AHCTF1: variants seen among roughly 807,000 people sequenced by gnomAD.
AHCTF1 encodes protein ELYS.
A neutral mutation model predicts 248.4 loss-of-function variants in AHCTF1; 24 were observed. That is an observed-to-expected ratio of 0.10 (90% CI 0.07 to 0.14). AHCTF1 has a LOEUF of 0.14. AHCTF1 is among the 10% of genes least tolerant of loss of function. AHCTF1 has a pLI of 1.00. For missense variants in AHCTF1, 2,206 were observed against 2,636.2 expected, an observed-to-expected ratio of 0.84 and a Z score of 3.57; for synonymous variants, 786 against 929.8, an observed-to-expected ratio of 0.85 and a Z score of 2.81.
chr1:246,871,750 T>G (rs549681750), intron 24 of AHCTF1, among the ~76,000 whole-genome samples: 4 of 152,186 alleles, frequency 2.6e-5, no homozygotes, highest in African/African-American at 9.6e-5. Flanking sequence ...ATAAGGAGGT[T>G]AATAATATTA....
At position 246,839,565 on chromosome 1, in the gene AHCTF1, C is replaced by T; in HGVS notation, c.*1241G>A. On this transcript the variant is annotated 3_prime_UTR_variant, in exon 36 of 36. Coordinates refer to ENST00000648844, the MANE Select transcript of AHCTF1 (RefSeq NM_001323342.2). Reference sequence around the variant, plus strand: ...AGGCCGCACTCGCACTGCTTTCACACTGTCAACACTTTGCGTAGGCATTTT... The same window carrying T: ...AGGCCGCACTCGCACTGCTTTCACATTGTCAACACTTTGCGTAGGCATTTT... 2.0e-6 allele frequency: 2 copies of T among 985,876 alleles called. No individual in the cohort carries two copies. Among genetic ancestry groups the T allele is most frequent in the African/African-American group, 3.5e-5 (2 of 57,374 alleles). The allele number at this position is 985,876 out of a possible 1,614,324, so 61.1% of individuals were successfully genotyped here.
At chr1:246,899,947 T>C (rs893089983) in intron 10 of AHCTF1, 118 bp downstream of exon 10, 3 of 985,572 alleles carry the variant, frequency 3.0e-6, no homozygotes, top group Non-Finnish European at 4.5e-6. Context: ...GTTATCCATA[T>C]GTTAACTAAC....
In AHCTF1 at chr1:246,860,884, G is replaced by T; in HGVS notation, c.4132+15C>A. On this transcript the variant is annotated intron_variant, in intron 29 of 35. Transcript: ENST00000648844. ...CATTAATAACAATTTTGAGTATTCA[G>T]AAATGAGTTCTTACCCATTTGTTTC... The T allele has an allele frequency of 6.3e-7, 1 of 1,596,376 alleles. No homozygotes were observed. Among genetic ancestry groups the T allele is most frequent in the East Asian group, 2.2e-5 (1 of 44,462 alleles).
chr1:246,904,462 ACCTT>A (rs963242321), intron 6 of AHCTF1, among the ~76,000 whole-genome samples: 1 of 152,158 alleles, frequency 6.6e-6, no homozygotes, highest in Admixed American at 6.6e-5. Flanking sequence ...ACCTCACAGA[ACCTT>A]CCTTAATAAA....
chr1:246,925,215 G>C (rs899262165), intron 1 of AHCTF1, among the ~76,000 whole-genome samples: 2 of 152,162 alleles, frequency 1.3e-5, no homozygotes, highest in Non-Finnish European at 2.9e-5. Context: ...GTATTCAGAA[G>C]AGTGCTAATG....
intron 21 of AHCTF1, among the ~76,000 whole-genome samples, chr1:246,884,698 C>T (rs1663690457): frequency 6.6e-6 from 1 of 152,110 alleles, no homozygotes; most frequent in African/African-American, 2.4e-5. Flanking sequence ...ATGACAAATA[C>T]ACTGATTAGA....
chr1:246,856,968 T>C (rs981265510), intron 30 of AHCTF1, among the ~76,000 whole-genome samples: 1 of 152,248 alleles, frequency 6.6e-6, no homozygotes, highest in East Asian at 1.9e-4. Context: ...AGCTGTCCCT[T>C]TTTTGTATCC....
At chr1:246,859,661 G>A (rs953401018) in intron 29 of AHCTF1, among the ~76,000 whole-genome samples, 14 of 152,108 alleles carry the variant, frequency 9.2e-5, no homozygotes, top group Non-Finnish European at 1.0e-4. Flanking sequence ...CCCCAACCTC[G>A]ACCTCCTGGG....
In AHCTF1 at chr1:246,869,858, G is replaced by A. The variant is rs547269923; in HGVS notation, c.3089-2047C>T. On this transcript the variant is annotated intron_variant, in intron 24 of 35. Transcript: ENST00000648844. The stretch of plus-strand genomic sequence containing the variant: ...TCTGTAACCCTGGATCACAGTAATC[G>A]CAATTTTCAAGATATAATTTAGAAA... Among the ~76,000 whole-genome samples the A allele has an allele frequency of 3.2e-4, 49 of 152,248 alleles. 1 individual carries two copies. The highest frequency in any genetic ancestry group is 6.8e-3 in the Middle Eastern group (2 of 294).
At chr1:246,899,060 G>C in intron 11 of AHCTF1, among the ~76,000 whole-genome samples, 1 of 152,156 alleles carries the variant, frequency 6.6e-6, no homozygotes, top group East Asian at 1.9e-4. Context: ...CTGCACCCCA[G>C]CCTGCGCAAC....
chr1:246,876,620 C>T (rs1229959904), intron 23 of AHCTF1, among the ~76,000 whole-genome samples: 1 of 152,174 alleles, frequency 6.6e-6, no homozygotes, highest in Non-Finnish European at 1.5e-5. Flanking sequence ...CTATATAACC[C>T]TTACTGCTGG....
At chr1:246,910,017 C>T (rs1665688336) in intron 4 of AHCTF1, among the ~76,000 whole-genome samples, 1 of 152,160 alleles carries the variant, frequency 6.6e-6, no homozygotes, top group African/African-American at 2.4e-5. Flanking sequence ...CATGTGAATC[C>T]ACTGATCACT....
rs761900985 is a variant in AHCTF1 at position 246,849,682 on chromosome 1, C to T, written c.6324G>A (p.Pro2108=). The T allele has an allele frequency of 5.6e-6, 9 of 1,613,794 alleles. No homozygotes were observed. The highest frequency in any genetic ancestry group is 1.6e-4 in the Middle Eastern group (1 of 6,078). ...GCTCATTGTTTGGTTCAGAAAGGTC[C>T]GGCAACAAGATGGCCTTGCTAGACC... ...RTRSSKAILL[P]DLSEPNNEPL... The change falls in exon 33 of 36, where the codon CCG becomes CCA. Residue 2108 remains proline, a synonymous_variant. Coordinates refer to ENST00000648844, the MANE Select transcript of AHCTF1 (RefSeq NM_001323342.2).
chr1:246,895,045 A>AT (rs149453680), intron 13 of AHCTF1, among the ~76,000 whole-genome samples: 3 of 152,154 alleles, frequency 2.0e-5, no homozygotes, highest in Non-Finnish European at 4.4e-5. Flanking sequence ...AAAAAGGTCA[A>AT]TTTTTTGAAA....
At chr1:246,878,950 G>A (rs868221787) in intron 21 of AHCTF1, among the ~76,000 whole-genome samples, 1 of 152,112 alleles carries the variant, frequency 6.6e-6, no homozygotes, top group Non-Finnish European at 1.5e-5. Context: ...GTTCATCTGC[G>A]TGTGTTCATG....
intron 8 of AHCTF1, 77 bp downstream of exon 8, chr1:246,902,448 T>A (rs544829859): frequency 6.6e-7 from 1 of 1,519,898 alleles, no homozygotes; most frequent in African/African-American, 1.4e-5. Context: ...GCCAGGAGTA[T>A]GAAATCTAGA....
Position 246,888,533 on chromosome 1 carries a change from A to AC in AHCTF1, c.2145-17_2145-16insG. On this transcript the variant is annotated splice_polypyrimidine_tract_variant and intron_variant, in intron 17 of 35. Transcript: ENST00000648844. ...CCACTTCCCTCTGCAATCAGGGAAA[A>AC]ATTAAGACTTATTTAATATCACTGT... 1 of 1,612,726 alleles carries AC rather than the reference A, an allele frequency of 6.2e-7. No individual in the cohort carries two copies.
rs181351945 is a variant in AHCTF1, at chr1:246,846,685, A to C, written c.6392-2757T>G. On this transcript the variant is annotated intron_variant, in intron 33 of 35. Transcript: ENST00000648844. ...CACATTTGTGAGATGAAATGCCAATATGAAAAAAAAAGAAATATTACGTTT... is the reference window on the plus strand; with the variant it reads ...CACATTTGTGAGATGAAATGCCAATCTGAAAAAAAAAGAAATATTACGTTT... 5.6e-4 allele frequency among the ~76,000 whole-genome samples: 85 copies of C among 152,118 alleles called. 1 individual carries two copies. Among genetic ancestry groups the C allele is most frequent in the African/African-American group, 1.9e-3 (78 of 41,486 alleles).
intron 23 of AHCTF1, among the ~76,000 whole-genome samples, chr1:246,876,456 T>C (rs1348035823): frequency 6.6e-6 from 1 of 152,202 alleles, no homozygotes; most frequent in Non-Finnish European, 1.5e-5. Context: ...TCAGGCAACA[T>C]TCTACTTCAC....
Sources: allele counts gnomAD v4.1 joint callset (sites outside exome capture counted in the v4.1 genomes callset), GRCh38; gene constraint gnomAD v4.1.1; transcripts MANE v1.5; gene names NCBI Gene and HGNC (gene_info 2026-07-23, HGNC 2026-07-21).